Variants in RAB11FIP2 observed in about 807,000 individuals in gnomAD.
RAB11FIP2 encodes the protein RAB11 family interacting protein 2.
RAB11FIP2 carries 16 observed loss-of-function variants against 40.9 expected under a neutral mutation model. That is an observed-to-expected ratio of 0.39 (90% CI 0.26 to 0.59). The LOEUF (loss-of-function observed/expected upper bound fraction) is 0.59. Ranked by LOEUF, RAB11FIP2 falls within the 20% of genes least tolerant of loss-of-function variation. The probability of loss-of-function intolerance (pLI) is 0.53; values close to 1 mark genes in which losing one functional copy is unlikely to be tolerated. For synonymous variants in RAB11FIP2, 228 were observed against 213.7 expected, an observed-to-expected ratio of 1.07 and a Z score of -0.58; for missense variants, 532 against 606.2, an observed-to-expected ratio of 0.88 and a Z score of 1.28.
Position 118,046,109 on chromosome 10 carries a change from C to T in RAB11FIP2, c.55G>A (p.Val19Met). ...KWFPTHVQVT[V>M]LQAKDLKPKG... ...GGCTTCAGATCTTTGGCTTGGAGCA[C>T]TGTGACCTGCACGTGGGTTGGAAAC... The change falls in exon 1 of 5, where the codon GTG becomes ATG. Residue 19 changes from valine (V) to methionine (M), a missense_variant. By Grantham distance (21) the Val-to-Met change is conservative. Coordinates refer to ENST00000355624, the MANE Select transcript of RAB11FIP2 (RefSeq NM_014904.3). 1 of 1,614,220 alleles carries T rather than the reference C, an allele frequency of 6.2e-7. No individual in the cohort carries two copies. The highest frequency in any genetic ancestry group is 8.5e-7 in the Non-Finnish European group (1 of 1,180,046).
chr10:118,040,224 G>T lies in RAB11FIP2; in HGVS notation c.695C>A (p.Ser232Tyr). ...LSSAHSMSDL[S>Y]GSHMSSEKLK... ...TTTCTCAGAAGACATATGGGACCCA[G>T]ATAAATCAGACATTGAATGCGCTGA... is the stretch of plus-strand genomic sequence containing the variant. The change falls in exon 2 of 5, where the codon TCT (serine) becomes TAT (tyrosine). Residue 232 changes from serine (S) to tyrosine (Y), a missense_variant. By Grantham distance (144) the Ser-to-Tyr change is moderately radical. Coordinates refer to ENST00000355624, the MANE Select transcript of RAB11FIP2 (RefSeq NM_014904.3). The T allele has an allele frequency of 1.2e-6, 2 of 1,613,800 alleles. No individual in the cohort carries two copies. Among genetic ancestry groups the T allele is most frequent in the Non-Finnish European group, 1.7e-6 (2 of 1,179,798 alleles).
At chr10:118,011,959 CTAAT>C (rs1481215363) in intron 4 of RAB11FIP2, among the ~76,000 whole-genome samples, 1 of 151,856 alleles carries the variant, frequency 6.6e-6, no homozygotes, top group Non-Finnish European at 1.5e-5. Flanking sequence ...TTTCTCCAAA[CTAAT>C]TAAGCTATGA....
chr10:118,035,556 C>T (rs559232544), intron 3 of RAB11FIP2, among the ~76,000 whole-genome samples: 2 of 152,154 alleles, frequency 1.3e-5, no homozygotes, highest in Admixed American at 6.5e-5. Flanking sequence ...CATTAGGAAA[C>T]TGGTTTGCTA....
rs1307830541 is a variant in RAB11FIP2 at position 118,042,472 on chromosome 10, T to C, written c.354-1907A>G. On this transcript the variant is annotated intron_variant, in intron 1 of 4. Coordinates refer to ENST00000355624, the MANE Select transcript of RAB11FIP2 (RefSeq NM_014904.3). ...TTGATGAATAACATCTGCAGGAAAA[T>C]AGAAGCTCTTTCTTATTTGATGAAC... is the stretch of plus-strand genomic sequence containing the variant. Among the ~76,000 whole-genome samples, 7 of 152,126 alleles carry C rather than the reference T, an allele frequency of 4.6e-5. 1 individual carries two copies. Among genetic ancestry groups the C allele is most frequent in the Admixed American group, 3.9e-4 (6 of 15,284 alleles).
Position 118,005,757 on chromosome 10 carries a change from T to G in RAB11FIP2, c.*3241A>C, listed in dbSNP as rs1846084250. On this transcript the variant is annotated 3_prime_UTR_variant, in exon 5 of 5. Coordinates refer to ENST00000355624, the MANE Select transcript of RAB11FIP2 (RefSeq NM_014904.3). ...GATATATTAGACAACAGTTTTTTGT[T>G]TTTTTTTTTAGATTCTCTTTGTTAA... is the stretch of plus-strand genomic sequence containing the variant. 6.6e-6 allele frequency: 1 copy of G among 150,878 alleles called. No homozygotes were observed. Among genetic ancestry groups the G allele is most frequent in the Non-Finnish European group, 1.5e-5 (1 of 67,510 alleles). The allele number at this position is 150,878 out of a possible 1,614,324, so 9.3% of individuals were successfully genotyped here.
At chr10:118,020,949 T>C (rs997748248) in intron 3 of RAB11FIP2, among the ~76,000 whole-genome samples, 4 of 152,176 alleles carry the variant, frequency 2.6e-5, no homozygotes, top group African/African-American at 9.7e-5. Flanking sequence ...TATACTTTCC[T>C]TTGCCCTTCA....
chr10:118,046,052 T>C lies in RAB11FIP2; in HGVS notation c.112A>G (p.Thr38Ala), dbSNP rs759292602. 4.3e-6 allele frequency: 7 copies of C among 1,614,178 alleles called. No homozygotes were observed. The East Asian group carries it at 8.9e-5, about 21-fold the overall frequency. Reference protein sequence around the residue: ...KGKSGTNDTYTIIQLGKEKYS... With the variant: ...KGKSGTNDTYAIIQLGKEKYS... Reference sequence around the variant, plus strand: ...TTTTCCTTGCCCAGCTGAATTATAGTGTATGTGTCATTGGTACCACTTTTG... The same window carrying C: ...TTTTCCTTGCCCAGCTGAATTATAGCGTATGTGTCATTGGTACCACTTTTG... Residue 38 changes from threonine (T) to alanine (A), a missense_variant, in exon 1 of 5, where the codon ACT becomes GCT. Physicochemically the swap from Thr to Ala is moderately conservative, Grantham distance 58. Transcript: ENST00000355624.
At position 118,046,227 on chromosome 10, in the gene RAB11FIP2, C is replaced by G. The variant is rs1164407112; in HGVS notation, c.-64G>C. 1.4e-6 allele frequency: 2 copies of G among 1,379,790 alleles called. No individual in the cohort carries two copies. Among genetic ancestry groups the G allele is most frequent in the African/African-American group, 1.4e-5 (1 of 70,000 alleles). 85.5% of individuals were successfully genotyped at this position (1,379,790 alleles called of 1,614,324 possible). A position where few individuals can be genotyped will look rare whatever the true frequency, so the allele number is the denominator to read the frequency against. The stretch of plus-strand genomic sequence containing the variant: ...GCAGTGCCCCTCCCGGAGGGAGAGC[C>G]TAATTCCTTAATCACTGCATCCTAA... On this transcript the variant is annotated 5_prime_UTR_variant, in exon 1 of 5. Coordinates refer to ENST00000355624, the MANE Select transcript of RAB11FIP2 (RefSeq NM_014904.3).
chr10:118,009,037 A>T lies in RAB11FIP2; in HGVS notation c.1500T>A (p.Tyr500Ter). The change falls in exon 5 of 5, where the codon TAT becomes TAA. Residue 500 changes from tyrosine (Y) to a stop codon, truncating the protein, a stop_gained. Coordinates refer to ENST00000355624, the MANE Select transcript of RAB11FIP2 (RefSeq NM_014904.3). LOFTEE classifies it high-confidence loss of function. Reference protein sequence around the residue: ...EETPSILRVPYEPSRKAGKFS... With the variant: ...EETPSILRVP ...ATTTGCCAGCTTTCCTGGATGGTTCATACGGCACTCTGAGAATACTGGGCG... is the reference window on the plus strand; with the variant it reads ...ATTTGCCAGCTTTCCTGGATGGTTCTTACGGCACTCTGAGAATACTGGGCG... 6.2e-7 allele frequency: 1 copy of T among 1,613,506 alleles called. No individual in the cohort carries two copies. Among genetic ancestry groups the T allele is most frequent in the Non-Finnish European group, 8.5e-7 (1 of 1,179,562 alleles).
chr10:118,046,401 G>T lies in RAB11FIP2; in HGVS notation c.-238C>A. The T allele has an allele frequency of 1.9e-6, 1 of 536,808 alleles. No individual in the cohort carries two copies. Among genetic ancestry groups the T allele is most frequent in the Non-Finnish European group, 3.3e-6 (1 of 300,810 alleles). 33.3% of individuals were successfully genotyped at this position (536,808 alleles called of 1,614,324 possible). ...CACAGAGGCCCACCATCACCTGGCC[G>T]CGCCGTGCAGGCCTCTGCGCGGACC... is the stretch of plus-strand genomic sequence containing the variant. On this transcript the variant is annotated 5_prime_UTR_variant, in exon 1 of 5. Coordinates refer to ENST00000355624, the MANE Select transcript of RAB11FIP2 (RefSeq NM_014904.3).
chr10:118,008,923 G>A lies in RAB11FIP2; in HGVS notation c.*75C>T. 8.2e-7 allele frequency: 1 copy of A among 1,213,312 alleles called. No individual in the cohort carries two copies. The highest frequency in any genetic ancestry group is 1.4e-5 in the South Asian group (1 of 73,792). The allele number at this position is 1,213,312 out of a possible 1,614,324, so 75.2% of individuals were successfully genotyped here. ...AAACCTGATAGTGTAGTCTCTTTCA[G>A]TAACAAGTTTTTCCTTCCTTCCTTC... On this transcript the variant is annotated 3_prime_UTR_variant, in exon 5 of 5. Coordinates refer to ENST00000355624, the MANE Select transcript of RAB11FIP2 (RefSeq NM_014904.3).
At position 118,007,115 on chromosome 10, in the gene RAB11FIP2, CA is replaced by C. The variant is rs1275169383; in HGVS notation, c.*1882del. 6.7e-6 allele frequency: 1 copy of C among 148,462 alleles called. No homozygotes were observed. Among genetic ancestry groups the C allele is most frequent in the Non-Finnish European group, 1.5e-5 (1 of 67,042 alleles). The allele number at this position is 148,462 out of a possible 1,614,324, so 9.2% of individuals were successfully genotyped here. On this transcript the variant is annotated 3_prime_UTR_variant, in exon 5 of 5. Transcript: ENST00000355624. ...ACTCAATAATACTACCAGACAAAAA[CA>C]AATGCTGAGAATTTTGTAACATTTA...
At chr10:118,045,738 T>C in intron 1 of RAB11FIP2, 73 bp downstream of exon 1, 1 of 1,265,934 alleles carries the variant, frequency 7.9e-7, no homozygotes, top group Non-Finnish European at 1.1e-6. Flanking sequence ...AGTATACGGA[T>C]AATTTCCAAG....
At chr10:118,024,470 CGTGT>C (rs55723398) in intron 3 of RAB11FIP2, among the ~76,000 whole-genome samples, 12,930 of 131,648 alleles carry the variant, frequency 0.098, 622 homozygotes, top group Non-Finnish European at 0.12. Context: ...TCATCATCAT[CGTGT>C]GTGTGTGTGT....
At position 118,046,512 on chromosome 10, in the gene RAB11FIP2, G is replaced by A. The variant is rs985186694; in HGVS notation, c.-349C>T. On this transcript the variant is annotated 5_prime_UTR_variant, in exon 1 of 5. Transcript: ENST00000355624. ...CCGGGCGGAGGGCTGCGGGGGTGAA[G>A]GGAGCCCCCGCCCCAATTCTGCACC... The A allele has an allele frequency of 6.6e-5, 4 of 60,358 alleles. No homozygotes were observed. Among genetic ancestry groups the A allele is most frequent in the Non-Finnish European group, 1.0e-4 (4 of 39,210 alleles). The allele number at this position is 60,358 out of a possible 1,614,324, so 3.7% of individuals were successfully genotyped here. A position where few individuals can be genotyped will look rare whatever the true frequency, so the allele number is the denominator to read the frequency against.
rs186550511 is a variant in RAB11FIP2, at chr10:118,032,042, A to T, written c.1265+6930T>A. On this transcript the variant is annotated intron_variant, in intron 3 of 4. Coordinates refer to ENST00000355624, the MANE Select transcript of RAB11FIP2 (RefSeq NM_014904.3). ...GTAGTAGGCTTATATTGATTTTTTT[A>T]AAAAAATTCAGAATAAGACATACAT... 6.8e-4 allele frequency among the ~76,000 whole-genome samples: 103 copies of T among 152,020 alleles called. 1 individual carries two copies. Among genetic ancestry groups the T allele is most frequent in the East Asian group, 3.7e-3 (19 of 5,160 alleles).
At chr10:118,012,947 G>C (rs549951369) in intron 4 of RAB11FIP2, among the ~76,000 whole-genome samples, 15 of 152,130 alleles carry the variant, frequency 9.9e-5, no homozygotes, top group Admixed American at 3.3e-4. Flanking sequence ...ATGTGGACTG[G>C]TAAGAAAATA....
intron 3 of RAB11FIP2, among the ~76,000 whole-genome samples, chr10:118,021,500 T>A (rs923246624): frequency 2.0e-5 from 3 of 152,224 alleles, no homozygotes; most frequent in African/African-American, 7.2e-5. Context: ...CTAGGACTCG[T>A]CGACAGTCCA....
chr10:118,045,064 G>A (rs1484805870), intron 1 of RAB11FIP2, among the ~76,000 whole-genome samples: 2 of 151,984 alleles, frequency 1.3e-5, no homozygotes, highest in Admixed American at 1.3e-4. Flanking sequence ...ATACTGAAAA[G>A]ACCACTGAAG....
Sources: allele counts gnomAD v4.1 joint callset (sites outside exome capture counted in the v4.1 genomes callset), GRCh38; gene constraint gnomAD v4.1.1; transcripts MANE v1.5; gene names NCBI Gene and HGNC (gene_info 2026-07-23, HGNC 2026-07-21).